The following ANKRD36B variants were observed in gnomAD, a reference collection of about 807,000 sequenced individuals.
ANKRD36B encodes the protein ankyrin repeat domain-containing protein 36B.
In ANKRD36B, 37 loss-of-function variants were observed where a neutral mutation model predicts 135.7. The observed-to-expected ratio is 0.27, with a 90% confidence interval of 0.21 to 0.36. The LOEUF (loss-of-function observed/expected upper bound fraction) is 0.36. Among genes scored for constraint, ANKRD36B ranks in the 10% least tolerant of loss-of-function variants. ANKRD36B has a pLI of 1.00. For missense variants in ANKRD36B, 549 were observed against 1,037.1 expected (o/e 0.53, Z 6.46); for synonymous variants, 179 against 348.1 (o/e 0.51, Z 5.41).
chr2:97,563,015 C>A (rs202189392), intron 6 of ANKRD36B, among the ~76,000 whole-genome samples: 3 of 151,964 alleles, frequency 2.0e-5, no homozygotes, highest in Non-Finnish European at 4.4e-5. Context: ...GCAGACAGTA[C>A]TGAGCAATAA....
At chr2:97,582,179 G>C (rs920597661) in intron 3 of ANKRD36B, among the ~76,000 whole-genome samples, 3 of 152,068 alleles carry the variant, frequency 2.0e-5, no homozygotes, top group African/African-American at 7.2e-5. Flanking sequence ...CATAACCTAT[G>C]CAACTATACC....
intron 6 of ANKRD36B, among the ~76,000 whole-genome samples, chr2:97,567,617 A>T (rs1342297637): frequency 1.3e-5 from 2 of 152,180 alleles, no homozygotes; most frequent in Non-Finnish European, 2.9e-5. Context: ...CTGCAGATTC[A>T]GTTACCCATG....
At chr2:97,549,883 T>C (rs1314962933) in intron 18 of ANKRD36B, among the ~76,000 whole-genome samples, 1 of 151,978 alleles carries the variant, frequency 6.6e-6, no homozygotes, top group African/African-American at 2.4e-5. Flanking sequence ...AATATCAATG[T>C]GCATAGGCCA....
chr2:97,575,403 C>G (rs1297952303), intron 6 of ANKRD36B, among the ~76,000 whole-genome samples: 1 of 152,100 alleles, frequency 6.6e-6, no homozygotes, highest in Non-Finnish European at 1.5e-5. Flanking sequence ...AGCTGTACTT[C>G]TCCATTCAGT....
intron 5 of ANKRD36B, among the ~76,000 whole-genome samples, chr2:97,578,054 T>G (rs868234413): frequency 6.6e-6 from 1 of 152,094 alleles, no homozygotes; most frequent in African/African-American, 2.4e-5. Flanking sequence ...ACTCAAAAAA[T>G]AACTCACCAT....
At chr2:97,546,149 G>A (rs912432863) in intron 22 of ANKRD36B, among the ~76,000 whole-genome samples, 1 of 151,702 alleles carries the variant, frequency 6.6e-6, no homozygotes, top group African/African-American at 2.4e-5. Flanking sequence ...CGAGTGATGA[G>A]GACAAAGTGA....
At chr2:97,525,972 G>A (rs1231584733) in intron 35 of ANKRD36B, among the ~76,000 whole-genome samples, 1 of 98,342 alleles carries the variant, frequency 1.0e-5, no homozygotes, top group African/African-American at 3.0e-5. Context: ...ACCTCTGGGG[G>A]CAGGGCACAG....
At chr2:97,555,919 A>C (rs1380268905) in intron 12 of ANKRD36B, among the ~76,000 whole-genome samples, 1 of 151,918 alleles carries the variant, frequency 6.6e-6, no homozygotes, top group African/African-American at 2.4e-5. Context: ...AGGAAGGTAT[A>C]ATATATAAAC....
At position 97,524,235 on chromosome 2, in the gene ANKRD36B, C is replaced by T. The variant is rs1265789234; in HGVS notation, c.2266-768G>A. On this transcript the variant is annotated intron_variant, in intron 35 of 43. Coordinates refer to ENST00000359901, the MANE Select transcript of ANKRD36B (RefSeq NM_001393939.1). ...TCTTTGGAGCAGGTAAGCCACATAC[C>T]TAAAAGGCTTTTTGAATCACTAAAT... 63 of 90,912 alleles carry T rather than the reference C, an allele frequency of 6.9e-4. 17 individuals carry two copies. Among genetic ancestry groups the T allele is most frequent in the African/African-American group, 1.8e-3 (56 of 30,296 alleles). The allele number at this position is 90,912 out of a possible 1,614,324, so 5.6% of individuals were successfully genotyped here. A position where few individuals can be genotyped will look rare whatever the true frequency, so the allele number is the denominator to read the frequency against.
At chr2:97,562,038 T>C (rs1232216180) in intron 6 of ANKRD36B, among the ~76,000 whole-genome samples, 1 of 151,902 alleles carries the variant, frequency 6.6e-6, no homozygotes, top group Non-Finnish European at 1.5e-5. Context: ...AAAAATCATT[T>C]TATTTATACT....
At chr2:97,554,375 A>G (rs1394121603) in intron 14 of ANKRD36B, among the ~76,000 whole-genome samples, 2 of 151,786 alleles carry the variant, frequency 1.3e-5, no homozygotes, top group African/African-American at 2.4e-5. Flanking sequence ...CAAAAGATAT[A>G]TATCTTATGC....
At chr2:97,551,712 C>T (rs182907771) in intron 16 of ANKRD36B, among the ~76,000 whole-genome samples, 85 of 151,974 alleles carry the variant, frequency 5.6e-4, no homozygotes, top group African/African-American at 1.8e-3. Flanking sequence ...ATTTCTCATA[C>T]GTCGAAAACT....
At chr2:97,559,213 G>T (rs2080804012) in intron 8 of ANKRD36B, among the ~76,000 whole-genome samples, 1 of 151,650 alleles carries the variant, frequency 6.6e-6, no homozygotes, top group African/African-American at 2.4e-5. Flanking sequence ...TTCAAACATG[G>T]TATGATTCGT....
chr2:97,549,146 C>T (rs1431266457), intron 20 of ANKRD36B, among the ~76,000 whole-genome samples: 1 of 151,890 alleles, frequency 6.6e-6, no homozygotes, highest in Non-Finnish European at 1.5e-5. Context: ...TATGCTCTTC[C>T]CCAGAGCCCC....
intron 34 of ANKRD36B, among the ~76,000 whole-genome samples, chr2:97,535,026 T>C (rs1205984972): frequency 4.2e-5 from 4 of 95,676 alleles, no homozygotes; most frequent in African/African-American, 1.2e-4. Context: ...ATGACATGGA[T>C]GGAACAGGAG....
chr2:97,555,670 C>T (rs1203164119), intron 12 of ANKRD36B, among the ~76,000 whole-genome samples: 1 of 151,948 alleles, frequency 6.6e-6, no homozygotes, highest in Non-Finnish European at 1.5e-5. Flanking sequence ...AAACATTCAT[C>T]ATGCTCTTTA....
intron 6 of ANKRD36B, among the ~76,000 whole-genome samples, chr2:97,565,184 T>C (rs371817478): frequency 6.6e-5 from 10 of 151,578 alleles, no homozygotes. Flanking sequence ...TGTATAGGAA[T>C]GCTTGTGAAT....
At chr2:97,538,020 C>T in intron 32 of ANKRD36B, 148 bp downstream of exon 32, 1 of 421,076 alleles carries the variant, frequency 2.4e-6, no homozygotes, top group South Asian at 1.8e-5. Flanking sequence ...GCATCAACAA[C>T]ACCTGACAAC....
chr2:97,538,524 T>C lies in ANKRD36B; in HGVS notation c.1988-161A>G, dbSNP rs2442234. ...TTTGGGACAGGAACATGAGGAAATA[T>C]GCTGAAGAAAATAGGAATACACGCT... On this transcript the variant is annotated intron_variant, in intron 30 of 43. Coordinates refer to ENST00000359901, the MANE Select transcript of ANKRD36B (RefSeq NM_001393939.1). Among the ~76,000 whole-genome samples the C allele has an allele frequency of 1.3e-4, 13 of 96,834 alleles. 5 individuals are homozygous for C. The highest frequency in any genetic ancestry group is 6.4e-4 in the Admixed American group (7 of 10,856). The allele number at this position is 96,834 out of a possible 152,430, so 63.5% of individuals were successfully genotyped here. A position where few individuals can be genotyped will look rare whatever the true frequency, so the allele number is the denominator to read the frequency against.
Sources: gnomAD v4.1 joint callset for allele counts (sites outside exome capture counted in the v4.1 genomes callset) on GRCh38, gnomAD v4.1.1 for gene constraint, MANE v1.5 for transcripts, NCBI Gene and HGNC (gene_info 2026-07-23, HGNC 2026-07-21) for gene names.